SIK3: variants seen among roughly 807,000 people sequenced by gnomAD.
SIK3 encodes the protein SIK family kinase 3.
Under a neutral mutation model 144.2 loss-of-function variants are expected in SIK3, and 28 were observed. The observed-to-expected ratio is 0.19, with a 90% CI of 0.14 to 0.27. The LOEUF is 0.27. Among genes scored for constraint, SIK3 ranks in the 10% least tolerant of loss-of-function variants. The pLI, the probability that SIK3 is intolerant of heterozygous loss-of-function variation, is 1.00. For missense variants in SIK3, 1,319 were observed against 1,776.0 expected, an observed-to-expected ratio of 0.74 and a Z score of 4.62; for synonymous variants, 686 against 676.3, an observed-to-expected ratio of 1.01 and a Z score of -0.22.
At chr11:116,903,410 C>CTA (rs946254626) in intron 4 of SIK3, among the ~76,000 whole-genome samples, 1 of 152,114 alleles carries the variant, frequency 6.6e-6, no homozygotes, top group Non-Finnish European at 1.5e-5. Flanking sequence ...AACAGAATCA[C>CTA]TAAGAGCTTT....
chr11:116,858,802 C>G lies in SIK3; in HGVS notation c.2766-103G>C, dbSNP rs188979963. 875 of 1,474,776 alleles carry G rather than the reference C, an allele frequency of 5.9e-4. 2 individuals are homozygous for G. The Middle Eastern group carries it at 6.4e-3, about 11-fold the overall frequency. The allele number at this position is 1,474,776 out of a possible 1,614,324, so 91.4% of individuals were successfully genotyped here. A position where few individuals can be genotyped will look rare whatever the true frequency, so the allele number is the denominator to read the frequency against. ...AGGGAGAACCCACTGGTACAGAGAA[C>G]TGTGGTGTGACAGAGAAGTGGCAGA... On this transcript the variant is annotated intron_variant, in intron 20 of 24. Coordinates refer to ENST00000445177, the MANE Select transcript of SIK3 (RefSeq NM_001366686.3). This position sits in a 1 kb window ranked among gnomAD's most constrained non-coding sequence, Gnocchi z 5.4.
chr11:116,898,478 G>A (rs1440058240), intron 4 of SIK3, among the ~76,000 whole-genome samples: 1 of 151,816 alleles, frequency 6.6e-6, no homozygotes, highest in African/African-American at 2.4e-5. Context: ...ATAGTCCTTT[G>A]GGTATATACC....
intron 11 of SIK3, 100 bp from the exon 12 acceptor site, chr11:116,874,156 T>C: frequency 8.5e-7 from 1 of 1,178,292 alleles, no homozygotes; most frequent in Non-Finnish European, 1.2e-6. Context: ...GTACAACTTA[T>C]TTTATTTTCT....
chr11:116,847,076 G>T (rs1398489397), intron 23 of SIK3, among the ~76,000 whole-genome samples: 1 of 152,194 alleles, frequency 6.6e-6, no homozygotes, highest in Non-Finnish European at 1.5e-5. Flanking sequence ...GCCTGAAAAG[G>T]ACAGCCTTGG....
Position 116,844,922 on chromosome 11 carries a change from T to C in SIK3, c.*721A>G, listed in dbSNP as rs909693102. On this transcript the variant is annotated 3_prime_UTR_variant, in exon 25 of 25. Transcript: ENST00000445177. Reference sequence around the variant, plus strand: ...GACATCCTAACTGGCAAACCATCTATGCCAGGTCATTCTCAGCCTCCGTGC... The same window carrying C: ...GACATCCTAACTGGCAAACCATCTACGCCAGGTCATTCTCAGCCTCCGTGC... 1.3e-5 allele frequency: 2 copies of C among 151,950 alleles called. No homozygotes were observed. Among genetic ancestry groups the C allele is most frequent in the African/African-American group, 4.8e-5 (2 of 41,380 alleles). The allele number at this position is 151,950 out of a possible 1,614,324, so 9.4% of individuals were successfully genotyped here. A position where few individuals can be genotyped will look rare whatever the true frequency, so the allele number is the denominator to read the frequency against.
At chr11:116,910,679 T>A (rs1946291778) in intron 4 of SIK3, among the ~76,000 whole-genome samples, 1 of 151,988 alleles carries the variant, frequency 6.6e-6, no homozygotes, top group Non-Finnish European at 1.5e-5. Context: ...CCAGAAGACA[T>A]AAAGTAAACT....
chr11:117,035,677 C>T, intron 1 of SIK3: 1 of 698,822 alleles, frequency 1.4e-6, no homozygotes, highest in African/African-American at 1.8e-5. Flanking sequence ...ACCTTAGCCT[C>T]CAGAGTAGCT....
intron 1 of SIK3, among the ~76,000 whole-genome samples, chr11:116,998,450 G>A (rs1405552870): frequency 2.1e-5 from 3 of 139,552 alleles, no homozygotes; most frequent in East Asian, 2.2e-4. Flanking sequence ...CAGCATGGGC[G>A]AAAGAACAAG....
intron 6 of SIK3, among the ~76,000 whole-genome samples, chr11:116,878,198 G>A (rs142901697): frequency 1.1e-4 from 17 of 151,918 alleles, no homozygotes; most frequent in East Asian, 7.8e-4. Flanking sequence ...TCTCCTACCC[G>A]GTCTTTCTGC....
chr11:116,889,732 C>CA (rs1373744410), intron 6 of SIK3, among the ~76,000 whole-genome samples: 2 of 151,852 alleles, frequency 1.3e-5, no homozygotes, highest in Non-Finnish European at 2.9e-5. Context: ...CCCATCTCTA[C>CA]AAAAAAATAC....
chr11:116,915,292 A>G (rs986686440), intron 4 of SIK3, among the ~76,000 whole-genome samples: 21 of 152,238 alleles, frequency 1.4e-4, no homozygotes, highest in African/African-American at 5.1e-4. Flanking sequence ...GATTACAAGC[A>G]TGAACCACGG....
chr11:117,006,723 T>A (rs1290352550), intron 1 of SIK3, among the ~76,000 whole-genome samples: 3 of 151,990 alleles, frequency 2.0e-5, no homozygotes, highest in Non-Finnish European at 2.9e-5. Context: ...GTAGGAGGTG[T>A]TTTTGCAAAT....
At chr11:116,848,523 G>A (rs1326812453) in intron 22 of SIK3, among the ~76,000 whole-genome samples, 2 of 152,208 alleles carry the variant, frequency 1.3e-5, no homozygotes, top group Non-Finnish European at 2.9e-5. Flanking sequence ...CCTGATCTGA[G>A]TAAGCTCAAT....
chr11:116,890,930 G>A (rs766622604), intron 6 of SIK3, among the ~76,000 whole-genome samples: 6 of 152,156 alleles, frequency 3.9e-5, no homozygotes, highest in Non-Finnish European at 7.3e-5. Flanking sequence ...ATAGCAGATA[G>A]GAGATCAATT....
chr11:117,058,491 G>A (rs889378339), intron 1 of SIK3, among the ~76,000 whole-genome samples: 6 of 144,936 alleles, frequency 4.1e-5, no homozygotes, highest in African/African-American at 1.6e-4. Context: ...CTGCACTCCA[G>A]CCCGGGCAAC....
chr11:116,911,486 A>G (rs117050823), intron 4 of SIK3, among the ~76,000 whole-genome samples: 2,764 of 152,164 alleles, frequency 0.018, 33 homozygotes, highest in Non-Finnish European at 0.03. Context: ...CAGCCTGGGC[A>G]AGACAGAGCC....
At chr11:116,939,354 G>A (rs1948160739) in intron 3 of SIK3, among the ~76,000 whole-genome samples, 1 of 152,152 alleles carries the variant, frequency 6.6e-6, no homozygotes, top group Non-Finnish European at 1.5e-5. Context: ...CACCATGTTG[G>A]TCAGGCTGGT....
At chr11:116,942,406 T>C (rs542838644) in intron 3 of SIK3, among the ~76,000 whole-genome samples, 41 of 152,308 alleles carry the variant, frequency 2.7e-4, no homozygotes, top group African/African-American at 8.9e-4. Context: ...GTATTGAAGA[T>C]TTGGTAGGAA....
chr11:117,009,101 G>A (rs918785668), intron 1 of SIK3, among the ~76,000 whole-genome samples: 1 of 151,904 alleles, frequency 6.6e-6, no homozygotes, highest in Non-Finnish European at 1.5e-5. Flanking sequence ...CAGGTGTAGT[G>A]GTGTGCGCCT....
Sources: allele counts gnomAD v4.1 joint callset (sites outside exome capture counted in the v4.1 genomes callset), GRCh38; gene constraint gnomAD v4.1.1; non-coding constraint Gnocchi (gnomAD v3.1); transcripts MANE v1.5; gene names NCBI Gene and HGNC (gene_info 2026-07-23, HGNC 2026-07-21).